The following DNAH2 variants were observed in gnomAD, a reference collection of about 807,000 sequenced individuals.
The protein encoded by DNAH2 is axonemal beta dynein heavy chain 2.
A neutral mutation model predicts 523.5 loss-of-function variants in DNAH2; 323 were observed. The ratio of observed to expected loss-of-function variants is 0.62; its 90% CI spans 0.56 to 0.68. DNAH2 has a LOEUF of 0.68. Ranked by LOEUF, DNAH2 falls within the 30% of genes least tolerant of loss-of-function variation. The probability of loss-of-function intolerance (pLI) is 0.00; values close to 1 mark genes in which losing one functional copy is unlikely to be tolerated. For missense variants in DNAH2, 4,907 were observed against 5,701.5 expected, an observed-to-expected ratio of 0.86 and a Z score of 4.49; for synonymous variants, 2,093 against 2,177.4, an observed-to-expected ratio of 0.96 and a Z score of 1.08.
At position 7,780,663 on chromosome 17, in the gene DNAH2, C is replaced by G; in HGVS notation, c.5884C>G (p.Leu1962Val). The G allele has an allele frequency of 2.5e-6, 4 of 1,614,230 alleles. No individual in the cohort carries two copies. The South Asian group carries it at 4.4e-5, about 18-fold the overall frequency. ...LAKKVYTLYSLAVQQLSRQDH... is the reference protein window; with the variant it reads ...LAKKVYTLYSVAVQQLSRQDH... ...CAAGAAGGTGTACACACTCTACTCACTGGCTGTGCAGCAGCTGTCCAGACA... is the reference window on the plus strand; with the variant it reads ...CAAGAAGGTGTACACACTCTACTCAGTGGCTGTGCAGCAGCTGTCCAGACA... Residue 1962 changes from leucine (L) to valine (V), a missense_variant, in exon 38 of 86, where the codon CTG (leucine) becomes GTG (valine). By Grantham distance (32) the Leu-to-Val change is conservative (BLOSUM62 1). Transcript: ENST00000572933. The surrounding 1 kb of genome is among the most constrained non-coding windows in gnomAD (Gnocchi z 4.4).
At chr17:7,740,067 G>C (rs2075264108) in intron 9 of DNAH2, 129 bp downstream of exon 9, 2 of 475,890 alleles carry the variant, frequency 4.2e-6, no homozygotes, top group Non-Finnish European at 5.8e-6. Context: ...GCGGTGGCCC[G>C]GGGGGGGGGA....
intron 12 of DNAH2, among the ~76,000 whole-genome samples, chr17:7,748,079 C>T (rs572352509): frequency 2.1e-4 from 32 of 152,350 alleles, no homozygotes; most frequent in Admixed American, 1.6e-3. Context: ...CCTAATAGCA[C>T]TGATTTAATC....
At position 7,759,128 on chromosome 17, in the gene DNAH2, G is replaced by A. The variant is rs1255841907; in HGVS notation, c.2448+4G>A. 3.1e-6 allele frequency: 5 copies of A among 1,613,480 alleles called. No homozygotes were observed. Among genetic ancestry groups the A allele is most frequent in the Admixed American group, 3.3e-5 (2 of 60,016 alleles). Reference sequence around the variant, plus strand: ...CTTCAAGAATGATGGTCCTGAGGTAGGGTTCCTGTGGCCAGGATGTTGTGG... The same window carrying A: ...CTTCAAGAATGATGGTCCTGAGGTAAGGTTCCTGTGGCCAGGATGTTGTGG... On this transcript the variant is annotated splice_donor_region_variant and intron_variant, in intron 15 of 85. Coordinates refer to ENST00000572933, the MANE Select transcript of DNAH2 (RefSeq NM_020877.5).
At position 7,739,967 on chromosome 17, in the gene DNAH2, G is replaced by A. The variant is rs549163726; in HGVS notation, c.1376+29G>A. 3.9e-5 allele frequency: 63 copies of A among 1,610,918 alleles called. No individual in the cohort carries two copies. In the Admixed American group the frequency reaches 4.3e-4, roughly 11 times the overall value. Reference sequence around the variant, plus strand: ...AGGGAACCACAGGCTGATGCCAGGCGTGGGCAGGGAAGGCAGATCAGGCAG... The same window carrying A: ...AGGGAACCACAGGCTGATGCCAGGCATGGGCAGGGAAGGCAGATCAGGCAG... On this transcript the variant is annotated intron_variant, in intron 9 of 85. Transcript: ENST00000572933.
chr17:7,766,200 C>G (rs1254941072), intron 21 of DNAH2, 118 bp from the exon 22 acceptor site: 3 of 1,100,774 alleles, frequency 2.7e-6, no homozygotes, highest in Non-Finnish European at 3.9e-6. Flanking sequence ...TACTCTCCTT[C>G]CCTTCCCTCT....
intron 59 of DNAH2, 58 bp downstream of exon 59, chr17:7,804,524 C>T: frequency 6.4e-7 from 1 of 1,574,042 alleles, no homozygotes; most frequent in Admixed American, 1.8e-5. Context: ...GCTACTGCGT[C>T]AGGGAACCCA....
At chr17:7,767,811 A>C in intron 22 of DNAH2, 89 bp from the exon 23 acceptor site, 1 of 1,553,222 alleles carries the variant, frequency 6.4e-7, no homozygotes, top group Non-Finnish European at 8.8e-7. Context: ...GGGAAGCTTC[A>C]CAGAGCGAGA....
Position 7,788,097 on chromosome 17 carries a change from G to A in DNAH2, c.6753G>A (p.Glu2251=). 1 of 1,614,242 alleles carries A rather than the reference G, an allele frequency of 6.2e-7. No homozygotes were observed. Among genetic ancestry groups the A allele is most frequent in the East Asian group, 2.2e-5 (1 of 44,892 alleles). The change falls in exon 44 of 86, where the codon GAG becomes GAA. Residue 2251 remains glutamate, a synonymous_variant. Transcript: ENST00000572933. ...TTATTCAACTCCAGGCTGAGGTGGA[G>A]CCCCTTCAACGCATGTTCGAAAAGC... The part of the protein sequence containing the change: ...WLEKRPKAEV[E]PLQRMFEKLI...
chr17:7,741,636 G>A (rs1461722649), intron 11 of DNAH2, among the ~76,000 whole-genome samples: 1 of 151,458 alleles, frequency 6.6e-6, no homozygotes, highest in Non-Finnish European at 1.5e-5. Flanking sequence ...GGGATTACAG[G>A]CGTGAGCCAC....
chr17:7,815,206 G>T (rs571679727), intron 63 of DNAH2, among the ~76,000 whole-genome samples: 1 of 152,314 alleles, frequency 6.6e-6, no homozygotes, highest in Non-Finnish European at 1.5e-5. Flanking sequence ...TGTGTGCCTT[G>T]CACCGTGCCA....
In DNAH2 at chr17:7,765,409, A is replaced by C. The variant is rs771614480; in HGVS notation, c.3355A>C (p.Ser1119Arg). 21 of 1,613,598 alleles carry C rather than the reference A, an allele frequency of 1.3e-5. No individual in the cohort carries two copies. The highest frequency in any genetic ancestry group is 1.7e-5 in the Non-Finnish European group (20 of 1,179,754). The change falls in exon 21 of 86, where the codon AGT (serine) becomes CGT (arginine). Residue 1119 changes from serine (S) to arginine (R), a missense_variant. This residue lies in a region of DNAH2 where 2,806 missense variants were observed against 3,190.8 expected (regional missense o/e 0.88). Coordinates refer to ENST00000572933, the MANE Select transcript of DNAH2 (RefSeq NM_020877.5). ...CCCCCAGGTCCTGGAGATGCTGGAC[A>C]GTCTCAACGGGGAGTGGGTTGTCTT... ...VEDSVLEMLD[S>R]LNGEWVVFQQ...
rs1157337911 is a variant in DNAH2 at position 7,833,090 on chromosome 17, G to A, written c.12998G>A (p.Gly4333Asp). 38 of 1,613,198 alleles carry A rather than the reference G, an allele frequency of 2.4e-5. No individual in the cohort carries two copies. Among genetic ancestry groups the A allele is most frequent in the Non-Finnish European group, 2.6e-5 (31 of 1,180,026 alleles). ...YPPKDGVWVRGLYLEGAGWDR... is the reference protein window; with the variant it reads ...YPPKDGVWVRDLYLEGAGWDR... ...CCCCAGGATGGTGTCTGGGTCCGGG[G>A]CCTGTACCTGGAAGGTGCTGGCTGG... Residue 4333 changes from glycine to aspartate, a missense_variant, in exon 85 of 86, where the codon GGC becomes GAC. Around this residue, in one of 3 missense-constraint regions of DNAH2, gnomAD observed 1,851 missense variants for 2,139.4 expected, o/e 0.87. Coordinates refer to ENST00000572933, the MANE Select transcript of DNAH2 (RefSeq NM_020877.5).
At chr17:7,812,443 C>A (rs2151312919) in intron 63 of DNAH2, among the ~76,000 whole-genome samples, 1 of 151,962 alleles carries the variant, frequency 6.6e-6, no homozygotes, top group East Asian at 1.9e-4. Flanking sequence ...CATAGAGAGA[C>A]TTTGTGTCCA....
chr17:7,792,933 G>A (rs199637563), intron 47 of DNAH2, 48 bp from the exon 48 acceptor site: 21 of 1,601,794 alleles, frequency 1.3e-5, no homozygotes, highest in South Asian at 1.1e-4. Flanking sequence ...CTCTAAGCCC[G>A]TATTTCTCTC....
rs139516502 is a variant in DNAH2, at chr17:7,804,094, C to T, written c.8973-162C>T. Reference sequence around the variant, plus strand: ...CCCTTGGGAAGCTGTTGGCAATGACCCAGGCAGGAAGTGATAGAATCCCGA... The same window carrying T: ...CCCTTGGGAAGCTGTTGGCAATGACTCAGGCAGGAAGTGATAGAATCCCGA... On this transcript the variant is annotated intron_variant, in intron 58 of 85. Transcript: ENST00000572933. 2.3e-3 allele frequency among the ~76,000 whole-genome samples: 343 copies of T among 152,244 alleles called. 2 individuals carry two copies. Among genetic ancestry groups the T allele is most frequent in the African/African-American group, 8.0e-3 (332 of 41,540 alleles).
intron 13 of DNAH2, 120 bp downstream of exon 13, chr17:7,757,357 T>TAA: frequency 7.8e-7 from 1 of 1,277,274 alleles, no homozygotes; most frequent in Non-Finnish European, 1.0e-6. Flanking sequence ...CTTTTCCATC[T>TAA]CAAAAAAAAA....
At position 7,830,314 on chromosome 17, in the gene DNAH2, C is replaced by G; in HGVS notation, c.11868C>G (p.Asn3956Lys). 1 of 1,614,074 alleles carries G rather than the reference C, an allele frequency of 6.2e-7. No individual in the cohort carries two copies. Among genetic ancestry groups the G allele is most frequent in the Non-Finnish European group, 8.5e-7 (1 of 1,179,958 alleles). Residue 3956 changes from asparagine to lysine, a missense_variant, in exon 78 of 86, where the codon AAC (asparagine) becomes AAG (lysine). By Grantham distance (94) the Asn-to-Lys change is moderately conservative (BLOSUM62 0). Transcript: ENST00000572933. Reference sequence around the variant, plus strand: ...ATTGTCCCCAGGGCCTAAAGGCCAACATGACACGTCTTTACCAACTGATGT... The same window carrying G: ...ATTGTCCCCAGGGCCTAAAGGCCAAGATGACACGTCTTTACCAACTGATGT... Reference protein sequence around the residue: ...TTEPPKGLKANMTRLYQLMSE... With the variant: ...TTEPPKGLKAKMTRLYQLMSE...
In DNAH2 at chr17:7,831,182, G is replaced by A. The variant is rs1270512145; in HGVS notation, c.12327G>A (p.Glu4109=). The A allele has an allele frequency of 2.5e-6, 4 of 1,614,164 alleles. No homozygotes were observed. The highest frequency in any genetic ancestry group is 2.7e-5 in the African/African-American group (2 of 75,036). ...TATTGCCTGGCATGGACCCCCCTGA[G>A]GCCTTTGGCCAGCACCCCAATGCTG... The part of the protein sequence containing the change: ...ISLLPGMDPP[E]AFGQHPNADV... The change falls in exon 80 of 86, where the codon GAG becomes GAA. Residue 4109 remains glutamate, a synonymous_variant. Transcript: ENST00000572933. The surrounding 1 kb of genome is among the most constrained non-coding windows in gnomAD (Gnocchi z 4.2).
At position 7,818,651 on chromosome 17, in the gene DNAH2, G is replaced by A; in HGVS notation, c.10545G>A (p.Glu3515=). The part of the protein sequence containing the change: ...VNFAVKEQGL[E]AQLLGIVVRK... ...AGTCCTGATGCCCCCAGGGCCTGGA[G>A]GCCCAGCTGCTGGGCATTGTGGTGC... Residue 3515 remains glutamate (E), a synonymous_variant, in exon 70 of 86, where the codon GAG becomes GAA. Coordinates refer to ENST00000572933, the MANE Select transcript of DNAH2 (RefSeq NM_020877.5). 6.2e-7 allele frequency: 1 copy of A among 1,613,978 alleles called. No homozygotes were observed. The highest frequency in any genetic ancestry group is 8.5e-7 in the Non-Finnish European group (1 of 1,179,996).
Sources: allele counts gnomAD v4.1 joint callset (sites outside exome capture counted in the v4.1 genomes callset), GRCh38; gene constraint gnomAD v4.1.1; regional missense constraint gnomAD v4.1.1; non-coding constraint Gnocchi (gnomAD v3.1); transcripts MANE v1.5; gene names NCBI Gene and HGNC (gene_info 2026-07-23, HGNC 2026-07-21).